Variants in ENTHD1 observed in about 807,000 individuals in gnomAD.
ENTHD1 encodes ENTH domain containing 1.
ENTHD1 carries 23 observed loss-of-function variants against 39.1 expected under a neutral mutation model. The ratio of observed to expected loss-of-function variants is 0.59; its 90% CI spans 0.42 to 0.83. The LOEUF (loss-of-function observed/expected upper bound fraction) is 0.83, where lower values mean the gene tolerates loss of function less well. Among genes scored for constraint, ENTHD1 ranks in the 40% least tolerant of loss-of-function variants. The pLI, the probability that ENTHD1 is intolerant of heterozygous loss-of-function variation, is 0.00. For missense variants in ENTHD1, 624 were observed against 705.4 expected, an observed-to-expected ratio of 0.88 and a Z score of 1.31; for synonymous variants, 230 against 258.2, an observed-to-expected ratio of 0.89 and a Z score of 1.05.
chr22:39,757,221 A>C (rs2065191841), intron 6 of ENTHD1, among the ~76,000 whole-genome samples: 1 of 152,086 alleles, frequency 6.6e-6, no homozygotes, highest in Non-Finnish European at 1.5e-5. Flanking sequence ...GTTTTTGAAA[A>C]ATGCTACTGT....
At chr22:39,751,707 TAA>T in intron 6 of ENTHD1, among the ~76,000 whole-genome samples, 1 of 152,208 alleles carries the variant, frequency 6.6e-6, no homozygotes, top group East Asian at 1.9e-4. Flanking sequence ...TTTTTTTCAT[TAA>T]GACAGTCATA....
intron 5 of ENTHD1, among the ~76,000 whole-genome samples, chr22:39,797,199 C>T (rs1415335932): frequency 1.3e-5 from 2 of 152,140 alleles, no homozygotes; most frequent in East Asian, 1.9e-4. Flanking sequence ...TTTTGGTTTC[C>T]ATCAGCATGA....
At chr22:39,821,709 T>C (rs1468266062) in intron 4 of ENTHD1, among the ~76,000 whole-genome samples, 1 of 152,220 alleles carries the variant, frequency 6.6e-6, no homozygotes, top group Non-Finnish European at 1.5e-5. Flanking sequence ...TACCATCAAC[T>C]GAGTGGCTTA....
chr22:39,881,657 A>G (rs2066339630), intron 2 of ENTHD1, among the ~76,000 whole-genome samples: 1 of 152,222 alleles, frequency 6.6e-6, no homozygotes, highest in African/African-American at 2.4e-5. Flanking sequence ...GGGATAGACA[A>G]TAAACACATC....
At chr22:39,886,013 C>T (rs914435991) in intron 2 of ENTHD1, among the ~76,000 whole-genome samples, 5 of 151,616 alleles carry the variant, frequency 3.3e-5, no homozygotes, top group Middle Eastern at 6.8e-3. Context: ...AACTGTACAC[C>T]TTAAATGGGT....
At chr22:39,749,046 T>C (rs544564727) in intron 6 of ENTHD1, among the ~76,000 whole-genome samples, 2 of 152,350 alleles carry the variant, frequency 1.3e-5, no homozygotes, top group South Asian at 4.1e-4. Context: ...TCGCTTATCA[T>C]TGTTTACAGT....
intron 3 of ENTHD1, among the ~76,000 whole-genome samples, chr22:39,845,222 C>T (rs2065977480): frequency 6.6e-6 from 1 of 152,078 alleles, no homozygotes; most frequent in African/African-American, 2.4e-5. Context: ...AGCCCATTTA[C>T]TTCTTATAAC....
Position 39,743,777 on chromosome 22 carries a change from T to C in ENTHD1, c.1726A>G (p.Ile576Val). Residue 576 changes from isoleucine to valine, a missense_variant, in exon 7 of 7, where the codon ATC becomes GTC. Ile to Val is a conservative substitution (Grantham distance 29, BLOSUM62 3). Coordinates refer to ENST00000325157, the MANE Select transcript of ENTHD1 (RefSeq NM_152512.4). ...CTCATGCTCATCAAGATGTTATTGA[T>C]GACATTAAGTTCTTGGATCACTGTG... Reference protein sequence around the residue: ...LSTVIQELNVINNILMSMSLN... With the variant: ...LSTVIQELNVVNNILMSMSLN... 6 of 1,614,162 alleles carry C rather than the reference T, an allele frequency of 3.7e-6. No individual in the cohort carries two copies. The highest frequency in any genetic ancestry group is 5.1e-6 in the Non-Finnish European group (6 of 1,179,998).
chr22:39,869,377 C>CTGGA (rs2066218090), intron 2 of ENTHD1, among the ~76,000 whole-genome samples: 1 of 152,158 alleles, frequency 6.6e-6, no homozygotes, highest in Non-Finnish European at 1.5e-5. Flanking sequence ...AAACCAAATA[C>CTGGA]TGGATGTTCT....
At chr22:39,829,682 T>C (rs934265098) in intron 4 of ENTHD1, among the ~76,000 whole-genome samples, 3 of 151,770 alleles carry the variant, frequency 2.0e-5, no homozygotes, top group African/African-American at 7.3e-5. Context: ...TACCAGCTAC[T>C]TGGAGGGCTG....
chr22:39,789,848 G>A (rs537125353), intron 5 of ENTHD1, among the ~76,000 whole-genome samples: 1 of 152,292 alleles, frequency 6.6e-6, no homozygotes, highest in South Asian at 2.1e-4. Context: ...GGTGGGGAAT[G>A]AGCAGGAAGG....
At chr22:39,862,583 C>CTTTGCAATAAT (rs1377672855) in intron 2 of ENTHD1, among the ~76,000 whole-genome samples, 3 of 149,852 alleles carry the variant, frequency 2.0e-5, no homozygotes, top group African/African-American at 7.3e-5. Flanking sequence ...AGCAATAATA[C>CTTTGCAATAAT]TTTGCAATAA....
intron 3 of ENTHD1, among the ~76,000 whole-genome samples, chr22:39,839,435 G>A (rs1041375200): frequency 1.3e-5 from 2 of 152,116 alleles, no homozygotes; most frequent in African/African-American, 2.4e-5. Flanking sequence ...TTTGAAGGAC[G>A]GCTAGGATTC....
At chr22:39,756,890 G>A (rs904084881) in intron 6 of ENTHD1, among the ~76,000 whole-genome samples, 7 of 151,920 alleles carry the variant, frequency 4.6e-5, no homozygotes, top group East Asian at 1.9e-4. Context: ...TAGCTTTACC[G>A]TAAGACTTGA....
chr22:39,811,613 CA>C (rs2065686594), intron 5 of ENTHD1, among the ~76,000 whole-genome samples: 1 of 152,242 alleles, frequency 6.6e-6, no homozygotes, highest in Non-Finnish European at 1.5e-5. Flanking sequence ...TGTCAGCTCA[CA>C]TTATGGGTGT....
In ENTHD1 at chr22:39,743,948, G is replaced by C. The variant is rs1372406074; in HGVS notation, c.1555C>G (p.Gln519Glu). ...SSSHWGEFST[Q>E]NVDQFIPLSC... is the part of the protein sequence containing the mutation. ...AGAGGGATGAACTGGTCTACATTTT[G>C]GGTGGAAAACTCCCCCCAGTGACTA... The change falls in exon 7 of 7, where the codon CAA becomes GAA. Residue 519 changes from glutamine (Q) to glutamate (E), a missense_variant. Physicochemically the swap from Gln to Glu is conservative, Grantham distance 29. Coordinates refer to ENST00000325157, the MANE Select transcript of ENTHD1 (RefSeq NM_152512.4). 6.2e-7 allele frequency: 1 copy of C among 1,613,946 alleles called. No homozygotes were observed. The highest frequency in any genetic ancestry group is 2.2e-5 in the East Asian group (1 of 44,896).
chr22:39,763,814 G>A (rs903911020), intron 6 of ENTHD1, among the ~76,000 whole-genome samples: 1 of 152,000 alleles, frequency 6.6e-6, no homozygotes, highest in Admixed American at 6.5e-5. Context: ...CACTCACAGC[G>A]ACCAAAAAGT....
In ENTHD1 at chr22:39,766,656, T is replaced by A. The variant is rs118020387; in HGVS notation, c.833-1047A>T. On this transcript the variant is annotated intron_variant, in intron 5 of 6. Transcript: ENST00000325157. ...ACTATTGAGTGATTATACATCACAA[T>A]GTATGTCATAAAATACTTCAGAATG... Among the ~76,000 whole-genome samples the A allele has an allele frequency of 5.8e-4, 88 of 152,362 alleles. 1 individual carries two copies. The East Asian group carries it at 0.017, about 29-fold the overall frequency.
At chr22:39,865,315 A>G (rs2066174093) in intron 2 of ENTHD1, among the ~76,000 whole-genome samples, 1 of 152,056 alleles carries the variant, frequency 6.6e-6, no homozygotes, top group South Asian at 2.1e-4. Context: ...TAGGGAATAA[A>G]TCACCCAGAA....
Sources: allele counts gnomAD v4.1 joint callset (sites outside exome capture counted in the v4.1 genomes callset), GRCh38; gene constraint gnomAD v4.1.1; transcripts MANE v1.5; gene names NCBI Gene and HGNC (gene_info 2026-07-23, HGNC 2026-07-21).